C10orf90: variants seen among roughly 807,000 people sequenced by gnomAD.
The protein encoded by C10orf90 is (E2-independent) E3 ubiquitin-conjugating enzyme FATS.
A neutral mutation model predicts 62.5 loss-of-function variants in C10orf90; 56 were observed. The observed-to-expected ratio is 0.90, with a 90% CI of 0.72 to 1.12. C10orf90 has a LOEUF of 1.12. Ranked by LOEUF, C10orf90 falls within the 50% of genes most tolerant of loss-of-function variation. The pLI is 0.00. For synonymous variants in C10orf90, 386 were observed against 340.4 expected (o/e 1.13, Z -1.47); for missense variants, 970 against 880.4 (o/e 1.10, Z -1.29).
intron 2 of C10orf90, among the ~76,000 whole-genome samples, chr10:126,516,696 T>C (rs1171452678): frequency 1.3e-5 from 2 of 152,354 alleles, no homozygotes; most frequent in East Asian, 1.9e-4. Context: ...CTGTGGCTGC[T>C]GCGACAAACG....
chr10:126,548,721 G>A (rs1007591927), intron 2 of C10orf90, among the ~76,000 whole-genome samples: 5 of 151,584 alleles, frequency 3.3e-5, no homozygotes, highest in South Asian at 2.1e-4. Flanking sequence ...AACATTCTAC[G>A]GGATTGCAAA....
At chr10:126,643,088 T>A (rs1846097820) in intron 2 of C10orf90, among the ~76,000 whole-genome samples, 1 of 152,264 alleles carries the variant, frequency 6.6e-6, no homozygotes, top group Non-Finnish European at 1.5e-5. Flanking sequence ...TTCCTAGCAC[T>A]TGGATCAGAT....
At chr10:126,625,192 C>A (rs971723228) in intron 2 of C10orf90, among the ~76,000 whole-genome samples, 6 of 152,188 alleles carry the variant, frequency 3.9e-5, no homozygotes, top group African/African-American at 1.2e-4. Context: ...CTCAAGCCCA[C>A]GCTGGACCCC....
intron 4 of C10orf90, among the ~76,000 whole-genome samples, chr10:126,482,425 G>A (rs1469542596): frequency 6.6e-6 from 1 of 152,140 alleles, no homozygotes; most frequent in East Asian, 1.9e-4. Flanking sequence ...CTCAAGGCCT[G>A]CCCTTTTCCA....
rs1276890828 is a variant in C10orf90, at chr10:126,456,704, A to G, written c.2188+2336T>C. ...GACTGGTGAGGTTAGCCCTAATCCAATGACTGCTGTCTTTATGAGAAAAGG... is the reference window on the plus strand; with the variant it reads ...GACTGGTGAGGTTAGCCCTAATCCAGTGACTGCTGTCTTTATGAGAAAAGG... On this transcript the variant is annotated intron_variant, in intron 7 of 9. Transcript: ENST00000488181. The surrounding 1 kb of genome is among the most constrained non-coding windows in gnomAD (Gnocchi z 4.9). 6.6e-6 allele frequency among the ~76,000 whole-genome samples: 1 copy of G among 152,200 alleles called. No individual in the cohort carries two copies. Among genetic ancestry groups the G allele is most frequent in the East Asian group, 1.9e-4 (1 of 5,186 alleles).
chr10:126,438,574 G>A (rs943649187), intron 7 of C10orf90, among the ~76,000 whole-genome samples: 1 of 152,122 alleles, frequency 6.6e-6, no homozygotes, highest in African/African-American at 2.4e-5. Flanking sequence ...GAATCTGAAG[G>A]AACTGGTTCT....
intron 4 of C10orf90, among the ~76,000 whole-genome samples, chr10:126,481,851 C>T (rs1861178563): frequency 6.6e-6 from 1 of 152,150 alleles, no homozygotes; most frequent in South Asian, 2.1e-4. Context: ...AAAGACCAGC[C>T]ATAAAGCCTA....
intron 2 of C10orf90, among the ~76,000 whole-genome samples, chr10:126,615,458 T>C (rs750924052): frequency 1.3e-5 from 2 of 152,192 alleles, no homozygotes; most frequent in African/African-American, 2.4e-5. Context: ...TAATATTTCA[T>C]AATATGACTT....
At chr10:126,455,279 T>C (rs1343127863) in intron 7 of C10orf90, among the ~76,000 whole-genome samples, 1 of 152,178 alleles carries the variant, frequency 6.6e-6, no homozygotes, top group Non-Finnish European at 1.5e-5. Flanking sequence ...CTAAACTGCA[T>C]GTCCCCAGCC....
chr10:126,468,452 A>G (rs1306562218), intron 4 of C10orf90, among the ~76,000 whole-genome samples: 1 of 152,216 alleles, frequency 6.6e-6, no homozygotes, highest in African/African-American at 2.4e-5. Flanking sequence ...TGGCTGGGCC[A>G]TAGCTTTCAT....
chr10:126,548,126 A>C (rs1864544246), intron 2 of C10orf90, among the ~76,000 whole-genome samples: 3 of 152,220 alleles, frequency 2.0e-5, no homozygotes, highest in African/African-American at 7.2e-5. Flanking sequence ...AGGCAAACCT[A>C]TATATAGGCT....
intron 4 of C10orf90, among the ~76,000 whole-genome samples, chr10:126,475,964 C>T (rs931136471): frequency 6.6e-6 from 1 of 152,130 alleles, no homozygotes; most frequent in Non-Finnish European, 1.5e-5. Context: ...GCTTTGTGGG[C>T]TGGGGCCAGG....
At chr10:126,462,345 T>G (rs1270627928) in intron 5 of C10orf90, among the ~76,000 whole-genome samples, 5 of 152,040 alleles carry the variant, frequency 3.3e-5, no homozygotes, top group Non-Finnish European at 4.4e-5. Flanking sequence ...GTTCTGAAAA[T>G]GCATGGCAGC....
intron 2 of C10orf90, among the ~76,000 whole-genome samples, chr10:126,588,296 T>C (rs1413792097): frequency 6.6e-6 from 1 of 152,078 alleles, no homozygotes; most frequent in African/African-American, 2.4e-5. Context: ...ATGAGGGGGG[T>C]TCCCCCAGCA....
chr10:126,562,591 C>A (rs890366880), intron 2 of C10orf90, among the ~76,000 whole-genome samples: 1 of 152,204 alleles, frequency 6.6e-6, no homozygotes, highest in Admixed American at 6.5e-5. Context: ...ACAGAGCAAT[C>A]TGCAGACGCT....
At chr10:126,643,668 G>A (rs1846109466) in intron 2 of C10orf90, among the ~76,000 whole-genome samples, 1 of 152,154 alleles carries the variant, frequency 6.6e-6, no homozygotes, top group African/African-American at 2.4e-5. Context: ...ACACCCCAGT[G>A]CCTCATCTTC....
chr10:126,659,624 C>A (rs1273114722), intron 1 of C10orf90, among the ~76,000 whole-genome samples: 1 of 152,146 alleles, frequency 6.6e-6, no homozygotes, highest in Non-Finnish European at 1.5e-5. Flanking sequence ...AAATTAGACT[C>A]ACAGAGAGGA....
intron 7 of C10orf90, among the ~76,000 whole-genome samples, chr10:126,430,957 TA>T (rs1014908049): frequency 3.3e-5 from 5 of 152,158 alleles, no homozygotes; most frequent in African/African-American, 1.2e-4. Context: ...TGGAGAAACA[TA>T]ACACAGCTAC....
chr10:126,496,190 C>T (rs1197144028), intron 4 of C10orf90, among the ~76,000 whole-genome samples: 1 of 152,136 alleles, frequency 6.6e-6, no homozygotes, highest in South Asian at 2.1e-4. Flanking sequence ...GTAAATGGCC[C>T]ATTAATAATG....
Sources: allele counts gnomAD v4.1 joint callset (sites outside exome capture counted in the v4.1 genomes callset), GRCh38; gene constraint gnomAD v4.1.1; non-coding constraint Gnocchi (gnomAD v3.1); transcripts MANE v1.5; gene names NCBI Gene and HGNC (gene_info 2026-07-23, HGNC 2026-07-21).